The following DIP2C variants were observed in gnomAD, a reference collection of about 807,000 sequenced individuals.
DIP2C encodes disco-interacting protein 2 homolog C.
A neutral mutation model predicts 192.4 loss-of-function variants in DIP2C; 33 were observed. That is an observed-to-expected ratio of 0.17 (90% CI 0.13 to 0.23). DIP2C has a LOEUF of 0.23. DIP2C is among the 10% of genes least tolerant of loss of function. The pLI is 1.00. For missense variants in DIP2C, 1,537 were observed against 2,110.1 expected, an observed-to-expected ratio of 0.73 and a Z score of 5.32; for synonymous variants, 979 against 864.1, an observed-to-expected ratio of 1.13 and a Z score of -2.33.
chr10:486,938 A>T (rs906354547), intron 1 of DIP2C, among the ~76,000 whole-genome samples: 2 of 152,212 alleles, frequency 1.3e-5, no homozygotes, highest in South Asian at 4.1e-4. Context: ...CATCTTCTTC[A>T]TTAACAAGAT....
intron 4 of DIP2C, among the ~76,000 whole-genome samples, chr10:438,588 C>T (rs113400740): frequency 0.016 from 2,467 of 151,914 alleles, 74 homozygotes; most frequent in African/African-American, 0.056. Context: ...CTCCTTGGGC[C>T]CAAGTGATCC....
intron 8 of DIP2C, 50 bp downstream of exon 8, chr10:413,863 T>G (rs1348553614): frequency 6.3e-7 from 1 of 1,585,714 alleles, no homozygotes; most frequent in South Asian, 1.1e-5. Context: ...CGTTCGGGAG[T>G]GGCTGTGCGA....
intron 1 of DIP2C, among the ~76,000 whole-genome samples, chr10:670,811 C>T (rs956843953): frequency 6.6e-6 from 1 of 152,186 alleles, no homozygotes; most frequent in Non-Finnish European, 1.5e-5. Flanking sequence ...GAGACTATGT[C>T]TTCCTCAAAT....
rs538899231 is a variant in DIP2C at position 640,603 on chromosome 10, G to A, written c.85+48891C>T. Among the ~76,000 whole-genome samples the A allele has an allele frequency of 1.2e-4, 18 of 152,162 alleles. No individual in the cohort carries two copies. The South Asian group carries it at 2.7e-3, about 23-fold the overall frequency. On this transcript the variant is annotated intron_variant, in intron 1 of 36. Coordinates refer to ENST00000280886, the MANE Select transcript of DIP2C (RefSeq NM_014974.3). The stretch of plus-strand genomic sequence containing the variant: ...GGGGGACGAGGGTGCGTGCCGGGAC[G>A]AGGGTGCGCGCGGGGAAGAAGCTGC...
chr10:280,964 G>T (rs1954789752), intron 36 of DIP2C, among the ~76,000 whole-genome samples: 2 of 152,180 alleles, frequency 1.3e-5, no homozygotes, highest in African/African-American at 4.8e-5. Context: ...TTGTCAAGTA[G>T]TTTTCACGGC....
chr10:286,422 T>G, intron 33 of DIP2C, 75 bp from the exon 34 acceptor site: 1 of 1,324,558 alleles, frequency 7.5e-7, no homozygotes, highest in Non-Finnish European at 1.1e-6. Context: ...AACCTCAATC[T>G]CATCTTTATG....
intron 1 of DIP2C, among the ~76,000 whole-genome samples, chr10:510,195 T>C (rs534600572): frequency 2.0e-5 from 3 of 152,298 alleles, no homozygotes; most frequent in South Asian, 4.2e-4. Flanking sequence ...TTACACTCAT[T>C]GGTTCCATTC....
At chr10:531,012 G>A (rs934734606) in intron 1 of DIP2C, among the ~76,000 whole-genome samples, 3 of 152,304 alleles carry the variant, frequency 2.0e-5, no homozygotes, top group East Asian at 1.9e-4. Flanking sequence ...GAAGGGCGTC[G>A]TGAGCATCCT....
intron 1 of DIP2C, among the ~76,000 whole-genome samples, chr10:532,886 G>A (rs1361550814): frequency 1.3e-5 from 2 of 152,100 alleles, no homozygotes; most frequent in African/African-American, 2.4e-5. Context: ...AACCTCCCAG[G>A]CTTGGGTGAT....
intron 1 of DIP2C, among the ~76,000 whole-genome samples, chr10:657,241 C>A (rs1588698168): frequency 1.2e-5 from 1 of 85,778 alleles, no homozygotes; most frequent in African/African-American, 4.3e-5. Flanking sequence ...GGACCTGCCG[C>A]TGGACCTGAT....
At chr10:336,776 G>A (rs1421819683) in intron 29 of DIP2C, among the ~76,000 whole-genome samples, 1 of 152,212 alleles carries the variant, frequency 6.6e-6, no homozygotes, top group East Asian at 1.9e-4. Flanking sequence ...GGGACAAGAG[G>A]TGGAGGGGAA....
intron 1 of DIP2C, among the ~76,000 whole-genome samples, chr10:634,644 G>A (rs957503700): frequency 6.6e-6 from 1 of 151,998 alleles, no homozygotes; most frequent in Non-Finnish European, 1.5e-5. Flanking sequence ...CTCAGCTACT[G>A]GGGGGCTGAG....
At chr10:522,089 C>T (rs1410553858) in intron 1 of DIP2C, among the ~76,000 whole-genome samples, 5 of 152,030 alleles carry the variant, frequency 3.3e-5, no homozygotes, top group African/African-American at 4.8e-5. Context: ...TCCCATTCAC[C>T]CCTCCCCTCC....
intron 8 of DIP2C, 36 bp from the exon 9 acceptor site, chr10:409,053 A>C: frequency 6.2e-7 from 1 of 1,603,752 alleles, no homozygotes; most frequent in South Asian, 1.1e-5. Flanking sequence ...GTGCGTATTA[A>C]ACCATACGGA....
At chr10:557,644 T>C in intron 1 of DIP2C, among the ~76,000 whole-genome samples, 1 of 100,170 alleles carries the variant, frequency 1.0e-5, no homozygotes, top group Non-Finnish European at 2.0e-5. Context: ...CAATACAGGG[T>C]GGTGAGTGCA....
At chr10:323,534 C>T (rs1338797582) in intron 31 of DIP2C, among the ~76,000 whole-genome samples, 3 of 152,238 alleles carry the variant, frequency 2.0e-5, no homozygotes, top group Non-Finnish European at 4.4e-5. Context: ...GCTGCTGCTT[C>T]AAACTGAAAG....
chr10:384,564 T>C lies in DIP2C; in HGVS notation c.1738A>G (p.Lys580Glu). 1.2e-6 allele frequency: 2 copies of C among 1,613,822 alleles called. No homozygotes were observed. Among genetic ancestry groups the C allele is most frequent in the Non-Finnish European group, 1.7e-6 (2 of 1,179,996 alleles). ...MKVNPLSWIQ[K>E]VCQYKAKVAC... ...GACCCACCTTTGTACTGGCAGACCT[T>C]CTGGATCCAGGAGAGAGGGTTCACC... Residue 580 changes from lysine (K) to glutamate (E), a missense_variant, in exon 15 of 37, where the codon AAG becomes GAG. Around this residue, in one of 4 missense-constraint regions of DIP2C, gnomAD observed 677 missense variants for 989.9 expected, o/e 0.68. Coordinates refer to ENST00000280886, the MANE Select transcript of DIP2C (RefSeq NM_014974.3).
chr10:406,066 C>CT (rs778132032), intron 9 of DIP2C, among the ~76,000 whole-genome samples: 101 of 152,228 alleles, frequency 6.6e-4, no homozygotes, highest in Non-Finnish European at 1.3e-3. Flanking sequence ...TCCCGTATCT[C>CT]TACTGACATC....
At chr10:353,477 T>C (rs377473064) in intron 24 of DIP2C, among the ~76,000 whole-genome samples, 18 of 152,178 alleles carry the variant, frequency 1.2e-4, no homozygotes, top group African/African-American at 4.3e-4. Flanking sequence ...CAACCTCTGC[T>C]TCCCGGGTTC....
Sources: allele counts gnomAD v4.1 joint callset (sites outside exome capture counted in the v4.1 genomes callset), GRCh38; gene constraint gnomAD v4.1.1; regional missense constraint gnomAD v4.1.1; transcripts MANE v1.5; gene names NCBI Gene and HGNC (gene_info 2026-07-23, HGNC 2026-07-21).